Variants in LGSN observed in about 807,000 individuals in gnomAD.
LGSN encodes the protein lengsin, lens protein with glutamine synthetase domain, also known as lengsin.
Under a neutral mutation model 19.5 loss-of-function variants are expected in LGSN, and 21 were observed. The ratio of observed to expected loss-of-function variants is 1.07; its 90% CI spans 0.76 to 1.55. The LOEUF (loss-of-function observed/expected upper bound fraction) is 1.55, where lower values mean the gene tolerates loss of function less well. Among genes scored for constraint, LGSN ranks in the 40% most tolerant of loss-of-function variants. LGSN has a pLI of 0.00. For missense variants in LGSN, 673 were observed against 608.5 expected (o/e 1.11, Z -1.12); for synonymous variants, 257 against 215.6 (o/e 1.19, Z -1.68).
the LGSN span, among the ~76,000 whole-genome samples, chr6:63,456,640 A>C: frequency 6.6e-6 from 1 of 151,948 alleles, no homozygotes; most frequent in African/African-American, 2.4e-5. Flanking sequence ...CCTCATACTC[A>C]ATAGAGCCTC....
At chr6:63,476,571 C>T in the LGSN span, among the ~76,000 whole-genome samples, 9 of 152,290 alleles carry the variant, frequency 5.9e-5, no homozygotes, top group South Asian at 1.2e-3. Context: ...CAGCTGGGAG[C>T]TCAACTGGAG....
the LGSN span, among the ~76,000 whole-genome samples, chr6:63,422,218 C>T: frequency 5.3e-5 from 8 of 152,068 alleles, no homozygotes; most frequent in Admixed American, 5.2e-4. Context: ...CATGTGCCAC[C>T]ACACATGGCT....
chr6:63,512,708 T>C, the LGSN span, among the ~76,000 whole-genome samples: 2 of 152,164 alleles, frequency 1.3e-5, no homozygotes, highest in African/African-American at 4.8e-5. Context: ...AGGATAAACA[T>C]ATCTGAGATT....
At chr6:63,450,117 C>A in the LGSN span, among the ~76,000 whole-genome samples, 3 of 144,902 alleles carry the variant, frequency 2.1e-5, no homozygotes, top group African/African-American at 7.6e-5. Flanking sequence ...GAGGCTGAGG[C>A]GGGTGGATCA....
chr6:63,540,171 G>T, the LGSN span, among the ~76,000 whole-genome samples: 1 of 152,200 alleles, frequency 6.6e-6, no homozygotes, highest in Admixed American at 6.5e-5. Flanking sequence ...TGGTGTGCAT[G>T]GTTGGAGAGT....
the LGSN span, among the ~76,000 whole-genome samples, chr6:63,476,220 A>G: frequency 6.6e-6 from 1 of 152,116 alleles, no homozygotes; most frequent in Non-Finnish European, 1.5e-5. Flanking sequence ...TAATTACATG[A>G]CTTGTTTATT....
In LGSN at chr6:63,282,780, A is replaced by G. The variant is rs115883875; in HGVS notation, c.331-1560T>C. Among the ~76,000 whole-genome samples, 519 of 152,244 alleles carry G rather than the reference A, an allele frequency of 3.4e-3. 4 individuals carry two copies. The highest frequency in any genetic ancestry group is 0.012 in the African/African-American group (495 of 41,542). ...TTTTCCAGCTCACTCATGGACCTGTACATGTAAACTTTATACACACGCACA... is the reference window on the plus strand; with the variant it reads ...TTTTCCAGCTCACTCATGGACCTGTGCATGTAAACTTTATACACACGCACA... On this transcript the variant is annotated intron_variant, in intron 3 of 3. Transcript: ENST00000370657.
chr6:63,287,384 T>C (rs1470243347), intron 2 of LGSN, among the ~76,000 whole-genome samples: 1 of 152,146 alleles, frequency 6.6e-6, no homozygotes, highest in Non-Finnish European at 1.5e-5. Context: ...AAACAAAATG[T>C]ATAGGCATTT....
At chr6:63,513,804 G>A in the LGSN span, among the ~76,000 whole-genome samples, 19 of 151,192 alleles carry the variant, frequency 1.3e-4, no homozygotes, top group South Asian at 2.1e-4. Context: ...CCAGCTGCTC[G>A]CGGGGCTGAG....
At chr6:63,324,840 G>A (rs1648576520), upstream of LGSN, among the ~76,000 whole-genome samples, 1 of 151,530 alleles carries the variant, frequency 6.6e-6, no homozygotes, top group African/African-American at 2.4e-5. Flanking sequence ...GCACATGGTG[G>A]CTCATGCCTG....
the LGSN span, among the ~76,000 whole-genome samples, chr6:63,399,418 G>C: frequency 6.7e-6 from 1 of 149,088 alleles, no homozygotes; most frequent in Non-Finnish European, 1.5e-5. Flanking sequence ...TTTTGAGACG[G>C]AGTTTCGCTC....
the LGSN span, among the ~76,000 whole-genome samples, chr6:63,533,821 G>A: frequency 6.9e-6 from 1 of 144,452 alleles, no homozygotes; most frequent in East Asian, 2.0e-4. Flanking sequence ...GCAAATTCCT[G>A]AACAAACTTT....
the LGSN span, among the ~76,000 whole-genome samples, chr6:63,459,137 GT>G: frequency 2.0e-5 from 3 of 152,122 alleles, no homozygotes; most frequent in African/African-American, 7.2e-5. Flanking sequence ...TGTCAACAAT[GT>G]TTCCATTAAT....
intron 1 of LGSN, among the ~76,000 whole-genome samples, chr6:63,314,322 A>G (rs1388941873): frequency 6.6e-6 from 1 of 152,208 alleles, no homozygotes; most frequent in Non-Finnish European, 1.5e-5. Flanking sequence ...TACATCTACC[A>G]GCCAGAAAGT....
the LGSN span, among the ~76,000 whole-genome samples, chr6:63,501,716 G>A: frequency 2.1e-4 from 32 of 152,116 alleles, no homozygotes; most frequent in African/African-American, 6.8e-4. Flanking sequence ...GCTTCTTAAG[G>A]GAGATCCTGC....
the LGSN span, among the ~76,000 whole-genome samples, chr6:63,486,367 T>C: frequency 1.3e-5 from 2 of 152,192 alleles, no homozygotes; most frequent in Non-Finnish European, 2.9e-5. Flanking sequence ...AAAGAGATCC[T>C]GAACAGCAGT....
chr6:63,522,394 T>C, the LGSN span, among the ~76,000 whole-genome samples: 3 of 152,190 alleles, frequency 2.0e-5, no homozygotes, highest in South Asian at 2.1e-4. Flanking sequence ...AAACAATAAA[T>C]AAGTAGTCCC....
At chr6:63,435,837 C>T in the LGSN span, among the ~76,000 whole-genome samples, 3 of 149,244 alleles carry the variant, frequency 2.0e-5, no homozygotes, top group South Asian at 2.1e-4. Flanking sequence ...AAATGTTTCA[C>T]GAAAGTTTTC....
the LGSN span, among the ~76,000 whole-genome samples, chr6:63,388,179 A>G: frequency 6.6e-6 from 1 of 151,992 alleles, no homozygotes; most frequent in Non-Finnish European, 1.5e-5. Flanking sequence ...CCCAGCAATA[A>G]TTTTTGAAAC....
Sources: allele counts gnomAD v4.1 joint callset (sites outside exome capture counted in the v4.1 genomes callset), GRCh38; gene constraint gnomAD v4.1.1; transcripts MANE v1.5; gene names NCBI Gene and HGNC (gene_info 2026-07-23, HGNC 2026-07-21).